The following PRKACB variants were observed in gnomAD, a reference collection of about 807,000 sequenced individuals.
PRKACB encodes protein kinase cAMP-activated catalytic subunit beta, also known as cAMP-dependent protein kinase catalytic subunit beta.
PRKACB carries 16 observed loss-of-function variants against 51.4 expected under a neutral mutation model. The ratio of observed to expected loss-of-function variants is 0.31; its 90% CI spans 0.21 to 0.47. The LOEUF (loss-of-function observed/expected upper bound fraction) is 0.47, where lower values mean the gene tolerates loss of function less well. PRKACB is among the 20% of genes least tolerant of loss of function. The pLI is 1.00. For missense variants in PRKACB, 309 were observed against 464.5 expected (o/e 0.67, Z 3.08); for synonymous variants, 147 against 154.4 (o/e 0.95, Z 0.35).
At chr1:84,229,666 A>G (rs1675266205) in intron 9 of PRKACB, among the ~76,000 whole-genome samples, 1 of 151,394 alleles carries the variant, frequency 6.6e-6, no homozygotes, top group Non-Finnish European at 1.5e-5. Context: ...TTTGATTTGC[A>G]TTTCTCTGAT....
chr1:84,156,371 G>A (rs925810570), intron 1 of PRKACB, among the ~76,000 whole-genome samples: 1 of 152,122 alleles, frequency 6.6e-6, no homozygotes, highest in Non-Finnish European at 1.5e-5. Context: ...CAAATTTTAT[G>A]TACCTTGTCT....
chr1:84,182,943 A>T (rs529835403), intron 3 of PRKACB, among the ~76,000 whole-genome samples: 1 of 152,156 alleles, frequency 6.6e-6, no homozygotes, highest in East Asian at 1.9e-4. Flanking sequence ...AATTTTGAAA[A>T]CCTGAGGCCC....
intron 1 of PRKACB, chr1:84,164,160 T>C (rs2045247460): frequency 2.0e-6 from 1 of 490,186 alleles, no homozygotes; most frequent in Non-Finnish European, 2.6e-6. Flanking sequence ...TATACATATA[T>C]GTATATAATA....
intron 1 of PRKACB, among the ~76,000 whole-genome samples, chr1:84,150,710 C>G (rs971475718): frequency 6.6e-6 from 1 of 152,126 alleles, no homozygotes; most frequent in Non-Finnish European, 1.5e-5. Flanking sequence ...CTTCCTGAGG[C>G]CCTCATCAGA....
intron 1 of PRKACB, among the ~76,000 whole-genome samples, chr1:84,165,574 A>G (rs1474758935): frequency 6.6e-6 from 1 of 151,890 alleles, no homozygotes; most frequent in Non-Finnish European, 1.5e-5. Context: ...AAAATTTTTA[A>G]TAAACAGTTT....
At chr1:84,139,857 G>A (rs1489456283), upstream of PRKACB, among the ~76,000 whole-genome samples, 4 of 152,194 alleles carry the variant, frequency 2.6e-5, no homozygotes, top group Non-Finnish European at 5.9e-5. Flanking sequence ...AGGAGATTGA[G>A]ACCATCCTGG....
intron 1 of PRKACB, among the ~76,000 whole-genome samples, chr1:84,161,001 TTTAAG>T (rs1422970900): frequency 4.6e-5 from 7 of 151,928 alleles, no homozygotes; most frequent in Admixed American, 1.3e-4. Flanking sequence ...GATGGTGTTA[TTTAAG>T]TTGTTTGTCT....
At chr1:84,192,684 AG>A (rs1667144266) in intron 5 of PRKACB, among the ~76,000 whole-genome samples, 1 of 152,130 alleles carries the variant, frequency 6.6e-6, no homozygotes, top group Non-Finnish European at 1.5e-5. Flanking sequence ...AATTTTTATT[AG>A]CCTTAAGATA....
rs79079497 is a variant in PRKACB, at chr1:84,088,322, C to T, written c.46+9951C>T. 9.3e-3 allele frequency among the ~76,000 whole-genome samples: 1,413 copies of T among 152,188 alleles called. 52 individuals are homozygous for T. The highest frequency in any genetic ancestry group is 0.028 in the East Asian group (144 of 5,184). On this transcript the variant is annotated intron_variant, in intron 1 of 8. Coordinates refer to the PRKACB transcript ENST00000370688. ...TGTAAGATAACTGTGGAATCTAAAC[C>T]TTTAGGTCTCTGACAAGCCTGTTTT...
intron 1 of PRKACB, among the ~76,000 whole-genome samples, chr1:84,136,487 A>G (rs528205976): frequency 1.5e-3 from 108 of 71,220 alleles, no homozygotes; most frequent in African/African-American, 4.3e-3. Flanking sequence ...AGAACGGCCA[A>G]AACCACACAC....
At chr1:84,186,767 G>C (rs1402895450) in intron 5 of PRKACB, among the ~76,000 whole-genome samples, 1 of 152,034 alleles carries the variant, frequency 6.6e-6, no homozygotes, top group Non-Finnish European at 1.5e-5. Flanking sequence ...GTTATCTGTT[G>C]GGGGGTGTCT....
At chr1:84,092,410 A>G (rs1219987080) in intron 1 of PRKACB, among the ~76,000 whole-genome samples, 1 of 152,100 alleles carries the variant, frequency 6.6e-6, no homozygotes, top group East Asian at 1.9e-4. Flanking sequence ...TATTTTTTCT[A>G]TGGTTGATGT....
intron 9 of PRKACB, among the ~76,000 whole-genome samples, chr1:84,225,197 G>A (rs760492621): frequency 1.3e-5 from 2 of 152,174 alleles, no homozygotes. Context: ...CTTGAGAGGT[G>A]GTAGGCAGAG....
At chr1:84,199,024 T>C (rs1200475056) in intron 7 of PRKACB, among the ~76,000 whole-genome samples, 1 of 148,062 alleles carries the variant, frequency 6.8e-6, no homozygotes, top group Non-Finnish European at 1.5e-5. Context: ...TGCGTATATA[T>C]ACACATATAT....
At chr1:84,143,193 C>A (rs1022887819), upstream of PRKACB, among the ~76,000 whole-genome samples, 1 of 152,132 alleles carries the variant, frequency 6.6e-6, no homozygotes, top group African/African-American at 2.4e-5. Context: ...CACTTGTAAT[C>A]CCAGCACTTT....
At chr1:84,149,426 A>AT (rs1654556768) in intron 1 of PRKACB, among the ~76,000 whole-genome samples, 1 of 151,930 alleles carries the variant, frequency 6.6e-6, no homozygotes, top group African/African-American at 2.4e-5. Context: ...TACCCGGCTA[A>AT]TTTTTTGTAT....
chr1:84,230,413 C>A (rs900838366), intron 9 of PRKACB, among the ~76,000 whole-genome samples: 3 of 152,116 alleles, frequency 2.0e-5, no homozygotes, highest in Non-Finnish European at 2.9e-5. Flanking sequence ...TTTGGCGATG[C>A]GGGCTCTTTT....
At chr1:84,216,686 A>T (rs1050694664) in intron 9 of PRKACB, among the ~76,000 whole-genome samples, 5 of 152,208 alleles carry the variant, frequency 3.3e-5, no homozygotes, top group Non-Finnish European at 7.3e-5. Flanking sequence ...CAGTCTTCAA[A>T]ATAATCCTGT....
chr1:84,106,302 A>G (rs1209115772), intron 1 of PRKACB, among the ~76,000 whole-genome samples: 1 of 152,184 alleles, frequency 6.6e-6, no homozygotes, highest in Admixed American at 6.5e-5. Flanking sequence ...TCAAATAGGA[A>G]GAGGGGAAGT....
Sources: allele counts gnomAD v4.1 joint callset (sites outside exome capture counted in the v4.1 genomes callset), GRCh38; gene constraint gnomAD v4.1.1; transcripts MANE v1.5; gene names NCBI Gene and HGNC (gene_info 2026-07-23, HGNC 2026-07-21).